Variants in KY observed in about 807,000 individuals in gnomAD.
KY encodes the protein kyphoscoliosis peptidase.
KY carries 43 observed loss-of-function variants against 76.1 expected under a neutral mutation model. The observed-to-expected ratio is 0.57, with a 90% confidence interval of 0.44 to 0.73. KY has a LOEUF of 0.73. KY is among the 30% of genes least tolerant of loss of function. The pLI is 0.00. For synonymous variants in KY, 277 were observed against 326.2 expected (o/e 0.85, Z 1.63); for missense variants, 722 against 828.9 (o/e 0.87, Z 1.58).
In KY at chr3:134,601,950, T is replaced by C. The variant is rs1958987140; in HGVS notation, c.*1629A>G. Among the ~76,000 whole-genome samples the C allele has an allele frequency of 6.6e-6, 1 of 152,118 alleles. No homozygotes were observed. On this transcript the variant is annotated 3_prime_UTR_variant, in exon 11 of 11. Coordinates refer to ENST00000423778, the MANE Select transcript of KY (RefSeq NM_178554.6). ...TCTGGATGGCAGGGGCCGGGCCCCC[T>C]TGGTTCACCTCTGTAGCCCAAGCAT...
chr3:134,645,661 C>T lies in KY; in HGVS notation c.199+1774G>A, dbSNP rs531477204. The stretch of plus-strand genomic sequence containing the variant: ...ACACATGTTGATGGAGTGGTAGAAG[C>T]GTCATTTTTTCTGGGCTCAGGGCCT... On this transcript the variant is annotated intron_variant, in intron 2 of 10. Coordinates refer to ENST00000423778, the MANE Select transcript of KY (RefSeq NM_178554.6). Among the ~76,000 whole-genome samples, 16 of 152,308 alleles carry T rather than the reference C, an allele frequency of 1.1e-4. No individual in the cohort carries two copies. The South Asian group carries it at 2.3e-3, about 22-fold the overall frequency.
chr3:134,620,856 A>G lies in KY; in HGVS notation c.485T>C (p.Val162Ala), dbSNP rs1391145116. ...FEKLDIYASQ[V>A]TAKSGLDELV... ...TTCGTCTAGGCCACTCTTGGCTGTC[A>G]CCTGGGGAGCAGGAAGGGTGTGCTG... Residue 162 changes from valine (V) to alanine (A), a missense_variant and splice_region_variant, in exon 7 of 11, where the codon GTG becomes GCG. Physicochemically the swap from Val to Ala is moderately conservative, Grantham distance 64. Transcript: ENST00000423778. 1.2e-5 allele frequency: 20 copies of G among 1,604,158 alleles called. No homozygotes were observed. The highest frequency in any genetic ancestry group is 1.6e-5 in the Non-Finnish European group (19 of 1,173,146).
At chr3:134,643,674 T>C (rs1250119007) in intron 2 of KY, among the ~76,000 whole-genome samples, 2 of 152,186 alleles carry the variant, frequency 1.3e-5, no homozygotes, top group Non-Finnish European at 2.9e-5. Context: ...TTTGTAGCCA[T>C]AACTCCCAAC....
chr3:134,608,123 T>G (rs761074460), intron 10 of KY: 1 of 1,132,234 alleles, frequency 8.8e-7, no homozygotes. Flanking sequence ...TCCTTGCTGG[T>G]TGGACCACCA....
chr3:134,608,412 G>C (rs1458341524), intron 10 of KY: 1 of 1,484,366 alleles, frequency 6.7e-7, no homozygotes, highest in South Asian at 1.2e-5. Flanking sequence ...GTTTATGCTA[G>C]TGTGAGTGAG....
chr3:134,635,005 A>G (rs762501738), intron 3 of KY, among the ~76,000 whole-genome samples: 2 of 152,272 alleles, frequency 1.3e-5, no homozygotes, highest in African/African-American at 2.4e-5. Flanking sequence ...CTTATAAAAC[A>G]AAACATGTAC....
At chr3:134,605,697 C>T (rs901001464) in intron 10 of KY, among the ~76,000 whole-genome samples, 1 of 151,964 alleles carries the variant, frequency 6.6e-6, no homozygotes, top group Non-Finnish European at 1.5e-5. Context: ...TCCCCTCTGC[C>T]GGTCAGCTCT....
chr3:134,641,667 T>C (rs1965781979), intron 3 of KY, among the ~76,000 whole-genome samples: 2 of 152,098 alleles, frequency 1.3e-5, no homozygotes, highest in African/African-American at 4.8e-5. Context: ...GCCACCTCAT[T>C]TGTGGAAATT....
chr3:134,607,335 T>C (rs1959363169), intron 10 of KY: 4 of 985,518 alleles, frequency 4.1e-6, no homozygotes, highest in Non-Finnish European at 4.8e-6. Context: ...ACAAGTCAGT[T>C]GGAACTAACT....
chr3:134,625,387 C>G (rs1453683540), intron 5 of KY, among the ~76,000 whole-genome samples: 1 of 152,254 alleles, frequency 6.6e-6, no homozygotes, highest in Non-Finnish European at 1.5e-5. Context: ...ATTGTAGACT[C>G]TGAGAAGTCA....
In KY at chr3:134,603,549, C is replaced by G; in HGVS notation, c.*30G>C. The G allele has an allele frequency of 6.5e-7, 1 of 1,543,268 alleles. No homozygotes were observed. The highest frequency in any genetic ancestry group is 8.8e-7 in the Non-Finnish European group (1 of 1,142,162). On this transcript the variant is annotated 3_prime_UTR_variant, in exon 11 of 11. Coordinates refer to ENST00000423778, the MANE Select transcript of KY (RefSeq NM_178554.6). Reference sequence around the variant, plus strand: ...TCCCTGGGGAGGTCTGGCCTTGGCCCTTTGGGAGGGTAAGACCGGGGCACA... The same window carrying G: ...TCCCTGGGGAGGTCTGGCCTTGGCCGTTTGGGAGGGTAAGACCGGGGCACA...
At chr3:134,634,202 A>C (rs1461769535) in intron 3 of KY, among the ~76,000 whole-genome samples, 1 of 152,242 alleles carries the variant, frequency 6.6e-6, no homozygotes, top group Admixed American at 6.5e-5. Context: ...TGATCTACAG[A>C]TTTAATGCAA....
At chr3:134,617,938 G>A (rs1961861981) in intron 8 of KY, among the ~76,000 whole-genome samples, 1 of 152,172 alleles carries the variant, frequency 6.6e-6, no homozygotes, top group African/African-American at 2.4e-5. Context: ...AGCCTGGACA[G>A]AGAGGCCAGT....
intron 1 of KY, 108 bp downstream of exon 1, chr3:134,650,717 C>T: frequency 2.8e-6 from 3 of 1,078,070 alleles, no homozygotes; most frequent in South Asian, 3.4e-5. Context: ...GGGTCGGGTT[C>T]GCTGACCTCG....
At chr3:134,619,038 G>T in intron 8 of KY, 110 bp downstream of exon 8, 1 of 857,116 alleles carries the variant, frequency 1.2e-6, no homozygotes, top group Non-Finnish European at 2.0e-6. Flanking sequence ...CCAGAGCAGA[G>T]TTTGTAAACT....
chr3:134,647,122 T>C (rs903836253), intron 2 of KY, among the ~76,000 whole-genome samples: 3 of 152,192 alleles, frequency 2.0e-5, no homozygotes, highest in Non-Finnish European at 4.4e-5. Flanking sequence ...CTGCCTCTCA[T>C]AGGAGCACAC....
rs147460102 is a variant in KY, at chr3:134,600,000, G to A, written c.*3579C>T. Among the ~76,000 whole-genome samples, 42 of 152,226 alleles carry A rather than the reference G, an allele frequency of 2.8e-4. No homozygotes were observed. Among genetic ancestry groups the A allele is most frequent in the East Asian group, 1.5e-3 (8 of 5,184 alleles). On this transcript the variant is annotated 3_prime_UTR_variant, in exon 11 of 11. Coordinates refer to ENST00000423778, the MANE Select transcript of KY (RefSeq NM_178554.6). Reference sequence around the variant, plus strand: ...GGAGAAAGCATACTCAACAGCCACCGGCCCACACAACTCAATGCACACATT... The same window carrying A: ...GGAGAAAGCATACTCAACAGCCACCAGCCCACACAACTCAATGCACACATT...
chr3:134,608,907 C>T (rs755861758), intron 9 of KY, 68 bp from the exon 10 acceptor site: 252 of 1,528,412 alleles, frequency 1.6e-4, no homozygotes, highest in Middle Eastern at 4.4e-4. Context: ...ATACACCCAC[C>T]GGAGTGGTCC....
chr3:134,608,839 G>C lies in KY; in HGVS notation c.900C>G (p.Leu300=), dbSNP rs949912814. The change falls in exon 10 of 11, where the codon CTC becomes CTG. Residue 300 remains leucine (L), a splice_region_variant and synonymous_variant. Coordinates refer to ENST00000423778, the MANE Select transcript of KY (RefSeq NM_178554.6). ...GGGTGAGGAAGTAGAACTCATTGTA[G>C]CTGGAGCAGAGACAAGCTGGTTAGC... ...VDTITSKFTF[L]YNEFYFLTHP... 1 of 1,606,200 alleles carries C rather than the reference G, an allele frequency of 6.2e-7. No individual in the cohort carries two copies.
Sources: gnomAD v4.1 joint callset for allele counts (sites outside exome capture counted in the v4.1 genomes callset) on GRCh38, gnomAD v4.1.1 for gene constraint, MANE v1.5 for transcripts, NCBI Gene and HGNC (gene_info 2026-07-23, HGNC 2026-07-21) for gene names.